The following ASXL1 variants were observed in gnomAD, a reference collection of about 807,000 sequenced individuals.
The protein encoded by ASXL1 is polycomb group protein ASXL1.
Under a neutral mutation model 89.1 loss-of-function variants are expected in ASXL1, and 65 were observed. The observed-to-expected ratio is 0.73, with a 90% confidence interval of 0.60 to 0.90. The LOEUF (loss-of-function observed/expected upper bound fraction) is 0.90. Ranked by LOEUF, ASXL1 falls within the 40% of genes least tolerant of loss-of-function variation. The pLI, the probability that ASXL1 is intolerant of heterozygous loss-of-function variation, is 0.00. For missense variants in ASXL1, 1,786 were observed against 1,942.9 expected (o/e 0.92, Z 1.52); for synonymous variants, 739 against 746.9 (o/e 0.99, Z 0.17).
intron 4 of ASXL1, among the ~76,000 whole-genome samples, chr20:32,383,950 A>T (rs1302723767): frequency 8.5e-5 from 13 of 152,130 alleles, no homozygotes; most frequent in Admixed American, 7.9e-4. Flanking sequence ...GCTCTGTTGA[A>T]AATCTCTTGG....
chr20:32,431,454 C>T lies in ASXL1; in HGVS notation c.852C>T (p.Leu284=). 1 of 1,614,224 alleles carries T rather than the reference C, an allele frequency of 6.2e-7. No homozygotes were observed. The highest frequency in any genetic ancestry group is 1.1e-5 in the South Asian group (1 of 91,084). ...HALPSHFQQQ[L]LFLLPEVDRQ... ...TACCATCACACTTCCAGCAGCAGCT[C>T]CTCTTCCTCCTGCCTGAAGTAGACA... is the stretch of plus-strand genomic sequence containing the variant. The change falls in exon 9 of 13, where the codon CTC becomes CTT. Residue 284 remains leucine (L), a synonymous_variant. Transcript: ENST00000375687.
chr20:32,373,451 G>C lies in ASXL1; in HGVS notation c.252+4328G>C, dbSNP rs139332521. ...CTCATATCTCAGAGCCAGAATGAAG[G>C]ATGCTTACCTCTGGGTTTGGTAAAT... On this transcript the variant is annotated intron_variant, in intron 4 of 12. Transcript: ENST00000375687. 4.5e-4 allele frequency among the ~76,000 whole-genome samples: 68 copies of C among 152,280 alleles called. No individual in the cohort carries two copies. The Middle Eastern group carries it at 0.017, about 38-fold the overall frequency.
chr20:32,386,282 T>C (rs1600504165), intron 4 of ASXL1, among the ~76,000 whole-genome samples: 1 of 152,332 alleles, frequency 6.6e-6, no homozygotes, highest in Non-Finnish European at 1.5e-5. Flanking sequence ...TGGTTTACAA[T>C]AGTAATTTTT....
At chr20:32,400,756 T>G (rs1195703449) in intron 4 of ASXL1, among the ~76,000 whole-genome samples, 1 of 152,242 alleles carries the variant, frequency 6.6e-6, no homozygotes, top group Non-Finnish European at 1.5e-5. Flanking sequence ...TTTTGAGTTC[T>G]GCAGCCTCCA....
At chr20:32,427,832 G>T in intron 4 of ASXL1, 1 of 401,792 alleles carries the variant, frequency 2.5e-6, no homozygotes, top group Non-Finnish European at 4.7e-6. Context: ...CTCCTTGAGA[G>T]CAGGGCCTTG....
Position 32,406,016 on chromosome 20 carries a change from C to G in ASXL1, c.253-22112C>G, listed in dbSNP as rs1165068399. 2.6e-5 allele frequency among the ~76,000 whole-genome samples: 4 copies of G among 152,042 alleles called. No homozygotes were observed. In the South Asian group the frequency reaches 6.2e-4, roughly 24 times the overall value. ...TACAGTCATAGTTAGAAGCCAAGAT[C>G]TAGTTTCTAAATGTTTGCTGCTGTT... On this transcript the variant is annotated intron_variant, in intron 4 of 12. Coordinates refer to ENST00000375687, the MANE Select transcript of ASXL1 (RefSeq NM_015338.6).
rs1311986203 is a variant in ASXL1 at position 32,433,918 on chromosome 20, G to T, written c.1719+1G>T. Reference sequence around the variant, plus strand: ...GGAGCCCAAAGTCCCGCCCATCCGGGTAGGAGACTGTTTGATTCCTGGCTG... The same window carrying T: ...GGAGCCCAAAGTCCCGCCCATCCGGTTAGGAGACTGTTTGATTCCTGGCTG... On this transcript the variant is annotated splice_donor_variant, in intron 12 of 12. Coordinates refer to ENST00000375687, the MANE Select transcript of ASXL1 (RefSeq NM_015338.6). LOFTEE classifies it high-confidence loss of function. 6.2e-7 allele frequency: 1 copy of T among 1,612,404 alleles called. No homozygotes were observed. Among genetic ancestry groups the T allele is most frequent in the Admixed American group, 1.7e-5 (1 of 60,020 alleles).
chr20:32,394,866 A>G (rs1172443663), intron 4 of ASXL1, among the ~76,000 whole-genome samples: 1 of 151,816 alleles, frequency 6.6e-6, no homozygotes, highest in Non-Finnish European at 1.5e-5. Flanking sequence ...GGTGCGCCCC[A>G]TCATGCCTGG....
In ASXL1 at chr20:32,358,843, C is replaced by A; in HGVS notation, c.57+11C>A. The A allele has an allele frequency of 6.6e-7, 1 of 1,507,092 alleles. No individual in the cohort carries two copies. The highest frequency in any genetic ancestry group is 8.9e-7 in the Non-Finnish European group (1 of 1,127,182). 93.4% of individuals were successfully genotyped at this position (1,507,092 alleles called of 1,614,324 possible). ...GAGGCCGCGCGCCTGGTGAGGCGGACAGCCGAGGGGGGCTCCGTGGGGCCC... is the reference window on the plus strand; with the variant it reads ...GAGGCCGCGCGCCTGGTGAGGCGGAAAGCCGAGGGGGGCTCCGTGGGGCCC... On this transcript the variant is annotated intron_variant, in intron 1 of 12. Transcript: ENST00000375687.
chr20:32,366,549 C>T (rs1167661116), intron 2 of ASXL1, 83 bp downstream of exon 2: 6 of 1,606,556 alleles, frequency 3.7e-6, no homozygotes, highest in Middle Eastern at 1.7e-4. Flanking sequence ...AGTAAGTACA[C>T]CTGTGTATGT....
At chr20:32,362,866 CAGTT>C (rs1224739277) in intron 1 of ASXL1, among the ~76,000 whole-genome samples, 6 of 151,570 alleles carry the variant, frequency 4.0e-5, no homozygotes, top group East Asian at 1.9e-4. Context: ...TTGTTATAAA[CAGTT>C]TGTTTGGGAG....
intron 4 of ASXL1, among the ~76,000 whole-genome samples, chr20:32,378,474 C>T (rs1329760095): frequency 6.6e-6 from 1 of 152,184 alleles, no homozygotes; most frequent in Non-Finnish European, 1.5e-5. Flanking sequence ...AGTTTATTTA[C>T]AGATGCTTGC....
At chr20:32,400,367 A>G (rs544348449) in intron 4 of ASXL1, among the ~76,000 whole-genome samples, 4 of 152,140 alleles carry the variant, frequency 2.6e-5, no homozygotes, top group Non-Finnish European at 5.9e-5. Context: ...TATTGGATGC[A>G]GTTAAGTCAC....
chr20:32,433,602 C>T lies in ASXL1; in HGVS notation c.1404C>T (p.Gly468=), dbSNP rs1354822279. The change falls in exon 12 of 13, where the codon GGC becomes GGT. Residue 468 remains glycine, a synonymous_variant. Coordinates refer to ENST00000375687, the MANE Select transcript of ASXL1 (RefSeq NM_015338.6). ...PAGLSSPHLP[G]TSSAAPDLEG... ...GGCTGAGCAGTCCCCATCTGCCAGG[C>T]ACATCCTCTGCAGCACCCGACCTGG... The T allele has an allele frequency of 2.5e-6, 4 of 1,614,128 alleles. No individual in the cohort carries two copies. Among genetic ancestry groups the T allele is most frequent in the Non-Finnish European group, 2.5e-6 (3 of 1,179,984 alleles).
chr20:32,433,953 C>T (rs760154136), intron 12 of ASXL1, 36 bp downstream of exon 12: 1 of 1,610,296 alleles, frequency 6.2e-7, no homozygotes, highest in African/African-American at 1.3e-5. Flanking sequence ...GCCCTGGAGC[C>T]AGGTTTTCTT....
intron 4 of ASXL1, among the ~76,000 whole-genome samples, chr20:32,378,981 A>C (rs1600492477): frequency 6.6e-6 from 1 of 151,354 alleles, no homozygotes; most frequent in South Asian, 2.1e-4. Flanking sequence ...TAAAAAAAAA[A>C]CCTAGCCAGG....
intron 4 of ASXL1, among the ~76,000 whole-genome samples, chr20:32,400,025 T>C (rs375225316): frequency 6.6e-6 from 1 of 152,016 alleles, no homozygotes; most frequent in African/African-American, 2.4e-5. Context: ...GCCTCCCAAA[T>C]TGATGGGATT....
chr20:32,358,788 CAGA>C lies in ASXL1; in HGVS notation c.25_27del (p.Lys9del), dbSNP rs752094508. 1.8e-4 allele frequency: 262 copies of C among 1,460,560 alleles called. No homozygotes were observed. The highest frequency in any genetic ancestry group is 7.2e-4 in the East Asian group (24 of 33,348). The allele number at this position is 1,460,560 out of a possible 1,614,324, so 90.5% of individuals were successfully genotyped here. ...GCCGGGGAGAAGGATGAAGGACAAA[CAGA>C]AGAAGAAGAAGGAGCGCACGTGGGC... On this transcript the variant is annotated inframe_deletion, in exon 1 of 13. Transcript: ENST00000375687.
At position 32,437,510 on chromosome 20, in the gene ASXL1, G is replaced by A. The variant is rs1245806649; in HGVS notation, c.*172G>A. On this transcript the variant is annotated 3_prime_UTR_variant, in exon 13 of 13. Coordinates refer to ENST00000375687, the MANE Select transcript of ASXL1 (RefSeq NM_015338.6). ...CCTCTGTCACTTGGCGACCCTTCTG[G>A]TCTTGCTGGAGGGGTTTCCTGGGTA... is the stretch of plus-strand genomic sequence containing the variant. The A allele has an allele frequency of 2.8e-6, 3 of 1,081,882 alleles. No homozygotes were observed. The highest frequency in any genetic ancestry group is 4.0e-6 in the Non-Finnish European group (3 of 752,606). The allele number at this position is 1,081,882 out of a possible 1,614,324, so 67.0% of individuals were successfully genotyped here.
Sources: gnomAD v4.1 joint callset for allele counts (sites outside exome capture counted in the v4.1 genomes callset) on GRCh38, gnomAD v4.1.1 for gene constraint, MANE v1.5 for transcripts, NCBI Gene and HGNC (gene_info 2026-07-23, HGNC 2026-07-21) for gene names.